The following ANXA7 variants were observed in gnomAD, a reference collection of about 807,000 sequenced individuals.
ANXA7 encodes annexin VII.
In ANXA7, 55 loss-of-function variants were observed where a neutral mutation model predicts 64.9. The ratio of observed to expected loss-of-function variants is 0.85; its 90% CI spans 0.68 to 1.06. ANXA7 has a LOEUF of 1.06. Among genes scored for constraint, ANXA7 ranks in the 50% least tolerant of loss-of-function variants. ANXA7 has a pLI of 0.00. For synonymous variants in ANXA7, 200 were observed against 192.4 expected, an observed-to-expected ratio of 1.04 and a Z score of -0.33; for missense variants, 548 against 582.1, an observed-to-expected ratio of 0.94 and a Z score of 0.60.
intron 5 of ANXA7, chr10:73,396,163 A>G: frequency 8.9e-7 from 1 of 1,128,432 alleles, no homozygotes; most frequent in South Asian, 1.3e-5. Flanking sequence ...AAACCACCCT[A>G]CATAAATCAC....
intron 10 of ANXA7, 33 bp downstream of exon 10, chr10:73,379,997 GC>G (rs775995015): frequency 6.2e-7 from 1 of 1,612,240 alleles, no homozygotes; most frequent in South Asian, 1.1e-5. Context: ...GTATCTTACA[GC>G]AGAAGCCAAA....
rs1361077343 is a variant in ANXA7 at position 73,378,938 on chromosome 10, C to T, written c.1251G>A (p.Leu417=). The change falls in exon 12 of 13, where the codon CTG becomes CTA. Residue 417 remains leucine, a synonymous_variant. Transcript: ENST00000372921. ...MKGAGTDDST[L]VRIVVTRSEI... is the part of the protein sequence containing the mutation. Reference sequence around the variant, plus strand: ...CACTTCGAGTGACCACAATCCGGACCAGGGTGGAGTCATCTGTGCCAGCAC... The same window carrying T: ...CACTTCGAGTGACCACAATCCGGACTAGGGTGGAGTCATCTGTGCCAGCAC... The T allele has an allele frequency of 2.5e-6, 4 of 1,613,440 alleles. No individual in the cohort carries two copies. The highest frequency in any genetic ancestry group is 1.6e-4 in the Middle Eastern group (1 of 6,062).
chr10:73,389,764 T>C (rs1262344790), intron 5 of ANXA7, among the ~76,000 whole-genome samples: 1 of 152,204 alleles, frequency 6.6e-6, no homozygotes, highest in Non-Finnish European at 1.5e-5. Context: ...TAGCTAGCAC[T>C]ACAGCCATGT....
At chr10:73,391,859 T>C (rs1227996177) in intron 5 of ANXA7, among the ~76,000 whole-genome samples, 1 of 152,232 alleles carries the variant, frequency 6.6e-6, no homozygotes, top group African/African-American at 2.4e-5. Flanking sequence ...CTAAAAGCTC[T>C]TCCAAAATCT....
At chr10:73,385,655 A>C (rs2055356036) in intron 7 of ANXA7, among the ~76,000 whole-genome samples, 1 of 152,302 alleles carries the variant, frequency 6.6e-6, no homozygotes, top group South Asian at 2.1e-4. Flanking sequence ...ATTCTAAAGC[A>C]ATATATAAAA....
intron 5 of ANXA7, among the ~76,000 whole-genome samples, chr10:73,394,969 T>C (rs1234396647): frequency 2.0e-5 from 3 of 152,234 alleles, no homozygotes; most frequent in African/African-American, 7.2e-5. Flanking sequence ...TAAAATTATA[T>C]GCATGCTTAA....
At chr10:73,410,262 C>T (rs2055818459) in intron 1 of ANXA7, among the ~76,000 whole-genome samples, 1 of 151,726 alleles carries the variant, frequency 6.6e-6, no homozygotes, top group African/African-American at 2.4e-5. Flanking sequence ...ATGCATCCAA[C>T]AAAGGACTAG....
chr10:73,382,594 C>T (rs2055293033), intron 9 of ANXA7, among the ~76,000 whole-genome samples: 1 of 152,208 alleles, frequency 6.6e-6, no homozygotes, highest in African/African-American at 2.4e-5. Context: ...AATCCTCCTG[C>T]CTTGGCCTCC....
At chr10:73,402,813 C>T (rs2055688575) in intron 1 of ANXA7, among the ~76,000 whole-genome samples, 1 of 150,874 alleles carries the variant, frequency 6.6e-6, no homozygotes, top group African/African-American at 2.5e-5. Flanking sequence ...TCCATTCTTA[C>T]ATAAAAACTC....
intron 1 of ANXA7, among the ~76,000 whole-genome samples, chr10:73,406,229 C>T (rs902925250): frequency 6.6e-6 from 1 of 151,980 alleles, no homozygotes; most frequent in Non-Finnish European, 1.5e-5. Context: ...GTGCTGGGAT[C>T]GCAGGCATGA....
intron 4 of ANXA7, 60 bp downstream of exon 4, chr10:73,397,104 T>A: frequency 1.2e-6 from 1 of 827,660 alleles, no homozygotes; most frequent in Non-Finnish European, 1.8e-6. Flanking sequence ...GTTCCCTCAA[T>A]GGTGATTTAA....
rs200076888 is a variant in ANXA7, at chr10:73,379,006, G to A, written c.1183C>T (p.Arg395Cys). ...LKTILQCALN[R>C]PAFFAERLYY... ...AGCCTCTCAGCAAAGAAGGCAGGGC[G>A]GTTCAGGGCACACTGCACTGCAAGT... Residue 395 changes from arginine (R) to cysteine (C), a missense_variant, in exon 12 of 13, where the codon CGC becomes TGC. By Grantham distance (180) the Arg-to-Cys change is radical. Coordinates refer to ENST00000372921, the MANE Select transcript of ANXA7 (RefSeq NM_001156.5). 7.4e-6 allele frequency: 12 copies of A among 1,611,974 alleles called. No individual in the cohort carries two copies. The highest frequency in any genetic ancestry group is 6.7e-5 in the East Asian group (3 of 44,766).
rs2055812323 is a variant in ANXA7 at position 73,409,819 on chromosome 10, A to G, written c.-2+4193T>C. Among the ~76,000 whole-genome samples, 3 of 152,356 alleles carry G rather than the reference A, an allele frequency of 2.0e-5. No individual in the cohort carries two copies. In the South Asian group the frequency reaches 6.2e-4, roughly 32 times the overall value. ...ATGGTACTGGTTTAAAAGTAGGCAC[A>G]TAGACCAATGGAACAAAATAGAGAA... is the stretch of plus-strand genomic sequence containing the variant. On this transcript the variant is annotated intron_variant, in intron 1 of 12. Transcript: ENST00000372921.
In ANXA7 at chr10:73,379,945, G is replaced by A. The variant is rs772606696; in HGVS notation, c.1099C>T (p.Arg367Ter). 3 of 1,613,940 alleles carry A rather than the reference G, an allele frequency of 1.9e-6. No homozygotes were observed. The South Asian group carries it at 3.3e-5, about 18-fold the overall frequency. ...TMEAYSRMAN[R>*]DLLSSVSREF... is the part of the protein sequence containing the mutation. ...CGGCTCACACTGCTTAACAAGTCTC[G>A]ATTAGCCATCTGCAAACAAAATTAA... is the stretch of plus-strand genomic sequence containing the variant. Residue 367 changes from arginine to a stop codon, truncating the protein, a stop_gained, in exon 11 of 13, where the codon CGA becomes TGA. Coordinates refer to ENST00000372921, the MANE Select transcript of ANXA7 (RefSeq NM_001156.5). LOFTEE classifies it high-confidence loss of function.
intron 1 of ANXA7, among the ~76,000 whole-genome samples, chr10:73,404,858 G>A (rs2055727639): frequency 6.6e-6 from 1 of 152,102 alleles, no homozygotes; most frequent in African/African-American, 2.4e-5. Context: ...AGTAGTTCAC[G>A]CCTGTAATCT....
At chr10:73,393,750 A>C (rs2055523977) in intron 5 of ANXA7, among the ~76,000 whole-genome samples, 1 of 152,252 alleles carries the variant, frequency 6.6e-6, no homozygotes, top group South Asian at 2.1e-4. Flanking sequence ...TAAAACCATA[A>C]AAACCCTAGA....
chr10:73,376,244 GA>G, intron 12 of ANXA7, 27 bp from the exon 13 acceptor site: 1 of 1,532,140 alleles, frequency 6.5e-7, no homozygotes, highest in Non-Finnish European at 8.8e-7. Context: ...ATTTCTGTCA[GA>G]AAAACATCTG....
At chr10:73,388,845 T>C (rs1040362038) in intron 5 of ANXA7, among the ~76,000 whole-genome samples, 6 of 152,182 alleles carry the variant, frequency 3.9e-5, no homozygotes, top group African/African-American at 7.2e-5. Flanking sequence ...AAACCAGCAA[T>C]ATAATTTTAG....
chr10:73,400,878 G>A, intron 1 of ANXA7, 21 bp from the exon 2 acceptor site: 2 of 1,578,866 alleles, frequency 1.3e-6, no homozygotes, highest in Non-Finnish European at 1.7e-6. Flanking sequence ...AATAAAAAAT[G>A]TCCTCTGTAA....
Sources: allele counts gnomAD v4.1 joint callset (sites outside exome capture counted in the v4.1 genomes callset), GRCh38; gene constraint gnomAD v4.1.1; transcripts MANE v1.5; gene names NCBI Gene and HGNC (gene_info 2026-07-23, HGNC 2026-07-21).